Variants in CASK observed in about 807,000 individuals in gnomAD.
CASK encodes peripheral plasma membrane protein CASK.
In CASK, 4 loss-of-function variants were observed where a neutral mutation model predicts 82.9. The ratio of observed to expected loss-of-function variants is 0.05; its 90% confidence interval spans 0.02 to 0.11. The LOEUF is 0.11. CASK is among the 10% of genes least tolerant of loss of function. The pLI is 1.00. For synonymous variants in CASK, 259 were observed against 253.5 expected (o/e 1.02, Z -0.20); for missense variants, 358 against 720.9 (o/e 0.50, Z 5.76).
At chrX:41,547,108 A>G (rs2065034069) in intron 21 of CASK, among the ~76,000 whole-genome samples, 1 of 103,109 alleles carries the variant, frequency 9.7e-6, no homozygotes, top group African/African-American at 3.6e-5. Flanking sequence ...TTTTTTTTGT[A>G]TTTTTAGTAG....
chrX:41,575,110 T>C (rs1309293302), intron 15 of CASK, among the ~76,000 whole-genome samples: 3 of 112,209 alleles, frequency 2.7e-5, no homozygotes, highest in Non-Finnish European at 5.6e-5. Context: ...GAAATGATAG[T>C]ACAATACAGC....
intron 2 of CASK, among the ~76,000 whole-genome samples, chrX:41,850,951 C>T (rs2071252359): frequency 9.0e-6 from 1 of 111,436 alleles, no homozygotes; most frequent in Non-Finnish European, 1.9e-5. Flanking sequence ...GGAATCCCAT[C>T]GCAAGAAAAA....
At chrX:41,771,532 T>C (rs1337354319) in intron 3 of CASK, among the ~76,000 whole-genome samples, 1 of 111,761 alleles carries the variant, frequency 8.9e-6, no homozygotes, top group Non-Finnish European at 1.9e-5. Context: ...ATGAAAAACA[T>C]AGCCTAAAAG....
chrX:41,613,104 C>T (rs1384979185), intron 11 of CASK, among the ~76,000 whole-genome samples: 1 of 111,763 alleles, frequency 8.9e-6, no homozygotes, highest in Non-Finnish European at 1.9e-5. Flanking sequence ...AGCCCCTCTG[C>T]CCGGCCACCA....
chrX:41,742,983 A>T (rs1347048487), intron 4 of CASK, among the ~76,000 whole-genome samples: 1 of 112,127 alleles, frequency 8.9e-6, no homozygotes, highest in African/African-American at 3.2e-5. Context: ...GGTGGCTTTA[A>T]AAATCAATAG....
chrX:41,626,626 G>A lies in CASK; in HGVS notation c.993C>T (p.Phe331=), dbSNP rs1310751329. 2 of 1,199,744 alleles carry A rather than the reference G, an allele frequency of 1.7e-6. No individual in the cohort carries two copies. The highest frequency in any genetic ancestry group is 3.5e-5 in the South Asian group (2 of 56,693). ...TACCTGAGGAGGTAGGGTCTTCGGA[G>A]AAATCTGGTAACTCTTCAGGGGGAT... ...YGDPPEELPD[F]SEDPTSSGLL... The change falls in exon 10 of 27, where the codon TTC becomes TTT. Residue 331 remains phenylalanine, a synonymous_variant. Transcript: ENST00000378163.
chrX:41,569,481 T>A (rs2065373674), intron 16 of CASK, among the ~76,000 whole-genome samples, 187 bp downstream of exon 16: 1 of 111,325 alleles, frequency 9.0e-6, no homozygotes, highest in African/African-American at 3.3e-5. Context: ...CTTAGCTGGG[T>A]GTGATGGCAT....
chrX:41,609,152 G>A (rs1327594692), intron 12 of CASK, among the ~76,000 whole-genome samples: 1 of 112,024 alleles, frequency 8.9e-6, no homozygotes, highest in African/African-American at 3.2e-5. Context: ...TTTCGCTCTT[G>A]TTGCCCAGGC....
intron 2 of CASK, among the ~76,000 whole-genome samples, chrX:41,835,608 C>T (rs73193144): frequency 0.079 from 8,792 of 111,294 alleles, 453 homozygotes; most frequent in East Asian, 0.31. Context: ...ACAAATAAAA[C>T]GTTGATATTG....
intron 3 of CASK, among the ~76,000 whole-genome samples, chrX:41,751,197 C>T (rs568494467): frequency 6.2e-5 from 7 of 112,055 alleles, no homozygotes; most frequent in African/African-American, 1.9e-4. Context: ...ATCCTCCCGC[C>T]TCAGCCTCTG....
At chrX:41,763,555 T>A (rs2069046744) in intron 3 of CASK, among the ~76,000 whole-genome samples, 1 of 110,924 alleles carries the variant, frequency 9.0e-6, no homozygotes, top group Non-Finnish European at 1.9e-5. Flanking sequence ...CCCAGCTACT[T>A]GGAGGCTGAG....
intron 2 of CASK, among the ~76,000 whole-genome samples, chrX:41,821,780 T>C (rs2070547961): frequency 8.9e-6 from 1 of 112,313 alleles, no homozygotes; most frequent in African/African-American, 3.2e-5. Flanking sequence ...GATGTCTCTC[T>C]CAATATTTGC....
At chrX:41,617,196 C>A (rs1184763637) in intron 11 of CASK, among the ~76,000 whole-genome samples, 1 of 112,432 alleles carries the variant, frequency 8.9e-6, no homozygotes, top group East Asian at 2.8e-4. Context: ...TGCTGGAAAG[C>A]ACAAAGGCAT....
At chrX:41,623,866 G>A (rs2066324633) in intron 10 of CASK, among the ~76,000 whole-genome samples, 1 of 110,982 alleles carries the variant, frequency 9.0e-6, no homozygotes. Context: ...GTGCTACCAC[G>A]CTTGGCTAAT....
chrX:41,720,032 T>C (rs2068135742), intron 5 of CASK, among the ~76,000 whole-genome samples: 1 of 113,064 alleles, frequency 8.8e-6, no homozygotes, highest in African/African-American at 3.2e-5. Context: ...TATTTATTCC[T>C]AATTAAATGG....
At chrX:41,683,970 A>C (rs775163090) in intron 5 of CASK, among the ~76,000 whole-genome samples, 65 of 112,153 alleles carry the variant, frequency 5.8e-4, no homozygotes, top group Middle Eastern at 4.2e-3. Flanking sequence ...TACTGGGTAA[A>C]GAATCCATGA....
chrX:41,906,544 G>A (rs903987507), intron 1 of CASK, among the ~76,000 whole-genome samples: 8 of 112,399 alleles, frequency 7.1e-5, no homozygotes, highest in Middle Eastern at 4.6e-3. Flanking sequence ...AGTAGCACCC[G>A]GCTCCTAAGC....
intron 3 of CASK, among the ~76,000 whole-genome samples, chrX:41,747,997 G>A (rs1014705799): frequency 8.9e-6 from 1 of 112,128 alleles, no homozygotes; most frequent in Non-Finnish European, 1.9e-5. Context: ...ACTGGCTGTA[G>A]TTTAAGCTGG....
chrX:41,711,899 T>C (rs2067983339), intron 5 of CASK, among the ~76,000 whole-genome samples: 1 of 112,220 alleles, frequency 8.9e-6, no homozygotes, highest in South Asian at 3.7e-4. Context: ...CTCAATAAAA[T>C]TCTTCCCTAC....
Sources: allele counts gnomAD v4.1 joint callset (sites outside exome capture counted in the v4.1 genomes callset), GRCh38; gene constraint gnomAD v4.1.1; transcripts MANE v1.5; gene names NCBI Gene and HGNC (gene_info 2026-07-23, HGNC 2026-07-21).